The following SLC31A1 variants were observed in gnomAD, a reference collection of about 807,000 sequenced individuals.
The protein encoded by SLC31A1 is solute carrier family 31 member 1.
SLC31A1 carries 5 observed loss-of-function variants against 17.2 expected under a neutral mutation model. That is an observed-to-expected ratio of 0.29 (90% CI 0.15 to 0.61). The LOEUF (loss-of-function observed/expected upper bound fraction) is 0.61. SLC31A1 is among the 20% of genes least tolerant of loss of function. SLC31A1 has a pLI of 0.86. For missense variants in SLC31A1, 161 were observed against 241.4 expected (o/e 0.67, Z 2.21); for synonymous variants, 76 against 78.8 (o/e 0.96, Z 0.19).
rs144957125 is a variant in SLC31A1 at position 113,241,622 on chromosome 9, A to G, written c.-35-14492A>G. On this transcript the variant is annotated intron_variant, in intron 1 of 4. Transcript: ENST00000374212. ...TAAGAGACAGAACACTCAGGTTTCA[A>G]TTTCAGGTGATCTACATATAGCTGA... is the stretch of plus-strand genomic sequence containing the variant. Among the ~76,000 whole-genome samples the G allele has an allele frequency of 2.6e-5, 4 of 152,298 alleles. No individual in the cohort carries two copies. The East Asian group carries it at 5.8e-4, about 22-fold the overall frequency.
intron 1 of SLC31A1, among the ~76,000 whole-genome samples, chr9:113,244,768 A>G (rs1238313235): frequency 6.6e-6 from 1 of 152,238 alleles, no homozygotes; most frequent in Non-Finnish European, 1.5e-5. Flanking sequence ...TGAGGTAATT[A>G]TAATGGTGGG....
rs1831753068 is a variant in SLC31A1, at chr9:113,258,520, T to A, written c.203-174T>A. 6.6e-6 allele frequency among the ~76,000 whole-genome samples: 1 copy of A among 152,242 alleles called. No homozygotes were observed. Among genetic ancestry groups the A allele is most frequent in the Non-Finnish European group, 1.5e-5 (1 of 68,044 alleles). On this transcript the variant is annotated intron_variant, in intron 3 of 4. Transcript: ENST00000374212. The surrounding 1 kb of genome is among the most constrained non-coding windows in gnomAD (Gnocchi z 4.8). ...ATGTTCTTGGCAGAGGCAATAGTTTTCAGTTACACCATCTTAGCCGTTCTC... is the reference window on the plus strand; with the variant it reads ...ATGTTCTTGGCAGAGGCAATAGTTTACAGTTACACCATCTTAGCCGTTCTC...
chr9:113,256,860 CAAA>C (rs10705989), intron 2 of SLC31A1, among the ~76,000 whole-genome samples: 8 of 102,506 alleles, frequency 7.8e-5, no homozygotes, highest in Non-Finnish European at 1.2e-4. Context: ...GAATCCGTAT[CAAA>C]AAAAAAAAAA....
At position 113,223,222 on chromosome 9, in the gene SLC31A1, G is replaced by C. The variant is rs149353606; in HGVS notation, c.-36+1544G>C. ...GGAACATCACGAACATGCATACGCA[G>C]ATTATCACTGTAGAAACACAGCTGC... On this transcript the variant is annotated intron_variant, in intron 1 of 4. Coordinates refer to ENST00000374212, the MANE Select transcript of SLC31A1 (RefSeq NM_001859.4). The C allele has an allele frequency of 5.3e-4, 240 of 453,246 alleles. 2 individuals carry two copies. Among genetic ancestry groups the C allele is most frequent in the African/African-American group, 4.7e-3 (233 of 49,870 alleles). 28.1% of individuals were successfully genotyped at this position (453,246 alleles called of 1,614,324 possible).
intron 1 of SLC31A1, among the ~76,000 whole-genome samples, chr9:113,236,039 G>A (rs146405552): frequency 0.018 from 2,770 of 152,302 alleles, 51 homozygotes; most frequent in Non-Finnish European, 0.031. Flanking sequence ...CCAGGCTAGC[G>A]TGCAGTGGCG....
intron 1 of SLC31A1, among the ~76,000 whole-genome samples, chr9:113,222,672 G>T (rs1363815041): frequency 6.6e-6 from 1 of 152,176 alleles, no homozygotes; most frequent in Admixed American, 6.5e-5. Flanking sequence ...TGCACCTCCT[G>T]GCAAAGATGT....
At position 113,258,784 on chromosome 9, in the gene SLC31A1, A is replaced by G. The variant is rs1324767148; in HGVS notation, c.293A>G (p.Gln98Arg). ...CGAGAGAGCCTGCTGCGTAAGTCAC[A>G]AGTCAGCATTCGCTACAATTCCATG... is the stretch of plus-strand genomic sequence containing the variant. Reference protein sequence around the residue: ...IARESLLRKSQVSIRYNSMPV... With the variant: ...IARESLLRKSRVSIRYNSMPV... Residue 98 changes from glutamine to arginine, a missense_variant, in exon 4 of 5, where the codon CAA becomes CGA. Gln to Arg is a conservative substitution (Grantham distance 43, BLOSUM62 1). Transcript: ENST00000374212. The surrounding 1 kb of genome is among the most constrained non-coding windows in gnomAD (Gnocchi z 4.8). The G allele has an allele frequency of 1.2e-6, 2 of 1,614,118 alleles. No homozygotes were observed. Among genetic ancestry groups the G allele is most frequent in the African/African-American group, 2.7e-5 (2 of 74,956 alleles).
intron 1 of SLC31A1, among the ~76,000 whole-genome samples, chr9:113,244,381 G>A (rs1192684811): frequency 6.6e-6 from 1 of 152,116 alleles, no homozygotes; most frequent in Non-Finnish European, 1.5e-5. Flanking sequence ...TCTGATGTAT[G>A]AGTAATTCAT....
chr9:113,243,186 A>G (rs1158385724), intron 1 of SLC31A1, among the ~76,000 whole-genome samples: 1 of 152,064 alleles, frequency 6.6e-6, no homozygotes, highest in Non-Finnish European at 1.5e-5. Flanking sequence ...TAACTTACCC[A>G]ATGTAGTATA....
In SLC31A1 at chr9:113,263,460, A is replaced by C. The variant is rs1414772998; in HGVS notation, c.*2987A>C. On this transcript the variant is annotated 3_prime_UTR_variant, in exon 5 of 5. Transcript: ENST00000374212. Reference sequence around the variant, plus strand: ...ACTTCTTTGTTCATTTTGGATCTAAACTTCTCTTTTCTTCCTTCCCCATTC... The same window carrying C: ...ACTTCTTTGTTCATTTTGGATCTAACCTTCTCTTTTCTTCCTTCCCCATTC... The C allele has an allele frequency of 6.6e-6, 1 of 152,532 alleles. No individual in the cohort carries two copies. The highest frequency in any genetic ancestry group is 1.5e-5 in the Non-Finnish European group (1 of 68,008). The allele number at this position is 152,532 out of a possible 1,614,324, so 9.4% of individuals were successfully genotyped here.
chr9:113,242,552 A>C (rs1218545158), intron 1 of SLC31A1, among the ~76,000 whole-genome samples: 1 of 152,094 alleles, frequency 6.6e-6, no homozygotes, highest in Non-Finnish European at 1.5e-5. Context: ...CTACAAGTAC[A>C]TGACACCACA....
chr9:113,255,747 G>A (rs1251288411), intron 1 of SLC31A1: 1 of 160,670 alleles, frequency 6.2e-6, no homozygotes, highest in Admixed American at 6.1e-5. Flanking sequence ...AACCCTTTCT[G>A]CTACAGTCTC....
At chr9:113,229,500 G>A (rs988381393) in intron 1 of SLC31A1, among the ~76,000 whole-genome samples, 7 of 152,124 alleles carry the variant, frequency 4.6e-5, no homozygotes, top group Admixed American at 2.0e-4. Flanking sequence ...ATTCTGCTAA[G>A]TATTCCATTG....
At chr9:113,237,948 T>G (rs946928110) in intron 1 of SLC31A1, among the ~76,000 whole-genome samples, 1 of 152,224 alleles carries the variant, frequency 6.6e-6, no homozygotes, top group Non-Finnish European at 1.5e-5. Flanking sequence ...AAACAAGATA[T>G]GAATGCATTA....
chr9:113,250,640 G>C (rs1831639705), intron 1 of SLC31A1, among the ~76,000 whole-genome samples: 1 of 146,768 alleles, frequency 6.8e-6, no homozygotes, highest in South Asian at 2.1e-4. Flanking sequence ...TAACTAACCT[G>C]CACATTGTGC....
chr9:113,260,124 G>C, intron 4 of SLC31A1, 148 bp from the exon 5 acceptor site: 1 of 726,680 alleles, frequency 1.4e-6, no homozygotes, highest in East Asian at 2.6e-5. Flanking sequence ...CATTTCCATG[G>C]ACCAATCAAA....
In SLC31A1 at chr9:113,247,635, G is replaced by A. The variant is rs182297148; in HGVS notation, c.-35-8479G>A. ...CTTGCAGGTGATGGGGCAGGTACAG[G>A]GAAAACTTTTTTGATAATCTTCAGA... On this transcript the variant is annotated intron_variant, in intron 1 of 4. Transcript: ENST00000374212. 7.2e-5 allele frequency among the ~76,000 whole-genome samples: 11 copies of A among 152,204 alleles called. No homozygotes were observed. In the East Asian group the frequency reaches 2.1e-3, roughly 29 times the overall value.
chr9:113,260,352 T>C lies in SLC31A1; in HGVS notation c.452T>C (p.Leu151Pro). 6.2e-7 allele frequency: 1 copy of C among 1,614,156 alleles called. No individual in the cohort carries two copies. The highest frequency in any genetic ancestry group is 1.1e-5 in the South Asian group (1 of 91,080). ...GTGGTCATAAGCTACTTCCTCATGC[T>C]CATCTTCATGACCTACAACGGGTAC... ...IQVVISYFLMLIFMTYNGYLC... is the reference protein window; with the variant it reads ...IQVVISYFLMPIFMTYNGYLC... Residue 151 changes from leucine to proline, a missense_variant, in exon 5 of 5, where the codon CTC becomes CCC. Physicochemically the swap from Leu to Pro is moderately conservative, Grantham distance 98. Coordinates refer to ENST00000374212, the MANE Select transcript of SLC31A1 (RefSeq NM_001859.4).
At chr9:113,259,964 G>A (rs1831771499) in intron 4 of SLC31A1, among the ~76,000 whole-genome samples, 1 of 152,166 alleles carries the variant, frequency 6.6e-6, no homozygotes, top group African/African-American at 2.4e-5. Flanking sequence ...GCGTGAGAGG[G>A]TTTACGGCTT....
Sources: allele counts gnomAD v4.1 joint callset (sites outside exome capture counted in the v4.1 genomes callset), GRCh38; gene constraint gnomAD v4.1.1; non-coding constraint Gnocchi (gnomAD v3.1); transcripts MANE v1.5; gene names NCBI Gene and HGNC (gene_info 2026-07-23, HGNC 2026-07-21).